The following GSK3B variants were observed in gnomAD, a reference collection of about 807,000 sequenced individuals.
The protein encoded by GSK3B is glycogen synthase kinase-3 beta.
GSK3B carries 15 observed loss-of-function variants against 56.4 expected under a neutral mutation model. The observed-to-expected ratio is 0.27, with a 90% confidence interval of 0.18 to 0.41. The LOEUF is 0.41. Ranked by LOEUF, GSK3B falls within the 10% of genes least tolerant of loss-of-function variation. The probability of loss-of-function intolerance (pLI) is 1.00; values close to 1 mark genes in which losing one functional copy is unlikely to be tolerated. For synonymous variants in GSK3B, 181 were observed against 188.9 expected (o/e 0.96, Z 0.34); for missense variants, 300 against 513.4 (o/e 0.58, Z 4.02).
chr3:120,031,666 C>T (rs941267399), intron 1 of GSK3B, among the ~76,000 whole-genome samples: 1 of 152,222 alleles, frequency 6.6e-6, no homozygotes, highest in South Asian at 2.1e-4. Flanking sequence ...ACCAATCCCA[C>T]AATGCAGTTA....
chr3:119,854,232 CG>C (rs780791975), intron 9 of GSK3B, among the ~76,000 whole-genome samples: 26 of 152,094 alleles, frequency 1.7e-4, no homozygotes, highest in Non-Finnish European at 7.4e-5. Flanking sequence ...TATTGATTTG[CG>C]TATGATGAAC....
chr3:120,013,165 T>A (rs1318786039), intron 1 of GSK3B, among the ~76,000 whole-genome samples: 1 of 152,172 alleles, frequency 6.6e-6, no homozygotes, highest in East Asian at 1.9e-4. Context: ...ATGAATACGG[T>A]GACATGGACC....
chr3:119,872,432 A>G (rs1034034439), intron 8 of GSK3B, among the ~76,000 whole-genome samples: 8 of 152,148 alleles, frequency 5.3e-5, no homozygotes, highest in Admixed American at 4.6e-4. Flanking sequence ...CCTTGTCATT[A>G]TATGTATTTA....
intron 10 of GSK3B, among the ~76,000 whole-genome samples, chr3:119,828,402 G>A (rs1425232243): frequency 1.3e-5 from 2 of 152,186 alleles, no homozygotes; most frequent in Non-Finnish European, 2.9e-5. Flanking sequence ...TTCTCCCAAA[G>A]ATTTCACACT....
intron 2 of GSK3B, among the ~76,000 whole-genome samples, chr3:119,981,371 G>A (rs2057460122): frequency 1.3e-5 from 2 of 152,186 alleles, no homozygotes; most frequent in Non-Finnish European, 2.9e-5. Context: ...GCCCATGGAG[G>A]GCAAGCTGAA....
chr3:119,887,714 CCAAATTTTATAAAA>C (rs1246571854), intron 7 of GSK3B, among the ~76,000 whole-genome samples: 1 of 151,864 alleles, frequency 6.6e-6, no homozygotes, highest in African/African-American at 2.4e-5. Context: ...CAAAACTTAC[CCAAATTTTATAAAA>C]ACCATGATTA....
intron 9 of GSK3B, among the ~76,000 whole-genome samples, chr3:119,859,279 A>C (rs2056067699): frequency 1.3e-5 from 2 of 152,246 alleles, no homozygotes; most frequent in East Asian, 3.9e-4. Flanking sequence ...GGTAGTTGTA[A>C]TACTATATTC....
At chr3:119,985,291 C>T (rs1481936584) in intron 2 of GSK3B, among the ~76,000 whole-genome samples, 1 of 152,168 alleles carries the variant, frequency 6.6e-6, no homozygotes, top group Admixed American at 6.5e-5. Flanking sequence ...CAAGGATGCC[C>T]TCTCTCACCA....
intron 2 of GSK3B, among the ~76,000 whole-genome samples, chr3:119,975,686 A>T (rs1303141450): frequency 6.6e-6 from 1 of 152,216 alleles, no homozygotes; most frequent in Admixed American, 6.5e-5. Flanking sequence ...TAGTAGATAC[A>T]TGTCCCTATA....
At chr3:119,970,755 C>A (rs958401525) in intron 2 of GSK3B, among the ~76,000 whole-genome samples, 1 of 151,946 alleles carries the variant, frequency 6.6e-6, no homozygotes. Context: ...CCACTGCACT[C>A]CAGCCCGGGC....
intron 1 of GSK3B, among the ~76,000 whole-genome samples, chr3:120,079,750 T>C (rs1173575877): frequency 2.0e-5 from 3 of 152,166 alleles, no homozygotes; most frequent in African/African-American, 7.2e-5. Context: ...TTATTCCTGA[T>C]GTTCAACTGA....
intron 2 of GSK3B, among the ~76,000 whole-genome samples, chr3:119,977,412 A>C (rs1301745645): frequency 6.6e-6 from 1 of 152,196 alleles, no homozygotes; most frequent in Admixed American, 6.5e-5. Context: ...GGCATACTTA[A>C]TGGAGACCTT....
At chr3:119,980,351 T>C (rs576882982) in intron 2 of GSK3B, among the ~76,000 whole-genome samples, 2 of 152,232 alleles carry the variant, frequency 1.3e-5, no homozygotes, top group Admixed American at 1.3e-4. Context: ...TCATCTTTGC[T>C]TGTGTCATTT....
At chr3:120,092,113 G>C (rs927797793) in intron 1 of GSK3B, among the ~76,000 whole-genome samples, 2 of 152,068 alleles carry the variant, frequency 1.3e-5, no homozygotes, top group Admixed American at 6.5e-5. Context: ...AAACAATATA[G>C]ATATTTTTGT....
chr3:119,887,216 T>C lies in GSK3B; in HGVS notation c.814-10708A>G, dbSNP rs151167018. The stretch of plus-strand genomic sequence containing the variant: ...TTATTATTTTTTTAAAAGGCCATTA[T>C]AGACTTCTGCATCTAGCTGTGATGA... On this transcript the variant is annotated intron_variant, in intron 7 of 10. Transcript: ENST00000264235. 1.5e-4 allele frequency among the ~76,000 whole-genome samples: 23 copies of C among 152,254 alleles called. No homozygotes were observed. In the East Asian group the frequency reaches 3.7e-3, roughly 24 times the overall value.
chr3:120,022,454 T>C (rs892130678), intron 1 of GSK3B, among the ~76,000 whole-genome samples: 2 of 152,224 alleles, frequency 1.3e-5, no homozygotes, highest in Non-Finnish European at 2.9e-5. Flanking sequence ...AATAACATTG[T>C]CCTAACTGAT....
intron 1 of GSK3B, among the ~76,000 whole-genome samples, chr3:120,065,864 T>C (rs1468174399): frequency 6.6e-6 from 1 of 152,020 alleles, no homozygotes; most frequent in African/African-American, 2.4e-5. Context: ...AAAGGTCACA[T>C]AAAGTATGAT....
chr3:119,967,482 G>C (rs959819693), intron 2 of GSK3B, among the ~76,000 whole-genome samples: 4 of 152,124 alleles, frequency 2.6e-5, no homozygotes, highest in South Asian at 2.1e-4. Context: ...GAAGAAGTTG[G>C]AGGACTCATA....
intron 3 of GSK3B, among the ~76,000 whole-genome samples, chr3:119,924,992 C>T (rs1286038327): frequency 1.3e-5 from 2 of 152,186 alleles, no homozygotes; most frequent in African/African-American, 2.4e-5. Flanking sequence ...GCAAAGAAAC[C>T]TCTAATTATG....
Sources: allele counts gnomAD v4.1 joint callset (sites outside exome capture counted in the v4.1 genomes callset), GRCh38; gene constraint gnomAD v4.1.1; transcripts MANE v1.5; gene names NCBI Gene and HGNC (gene_info 2026-07-23, HGNC 2026-07-21).